The following SHANK2 variants were observed in gnomAD, a reference collection of about 807,000 sequenced individuals.
SHANK2 encodes the protein SH3 and multiple ankyrin repeat domains protein 2.
A neutral mutation model predicts 133.7 loss-of-function variants in SHANK2; 43 were observed. That is an observed-to-expected ratio of 0.32 (90% confidence interval 0.25 to 0.41). The LOEUF is 0.41. Among genes scored for constraint, SHANK2 ranks in the 10% least tolerant of loss-of-function variants. The pLI, the probability that SHANK2 is intolerant of heterozygous loss-of-function variation, is 1.00. For missense variants in SHANK2, 1,994 were observed against 2,235.8 expected, an observed-to-expected ratio of 0.89 and a Z score of 2.18; for synonymous variants, 1,017 against 952.8, an observed-to-expected ratio of 1.07 and a Z score of -1.24.
At chr11:70,755,372 C>T (rs868944243) in intron 14 of SHANK2, among the ~76,000 whole-genome samples, 12 of 152,360 alleles carry the variant, frequency 7.9e-5, no homozygotes, top group Middle Eastern at 6.8e-3. Context: ...GCGCCCAGCG[C>T]GCAGGCAGCC....
intron 17 of SHANK2, among the ~76,000 whole-genome samples, chr11:70,655,988 G>A (rs898750316): frequency 1.3e-5 from 2 of 152,154 alleles, no homozygotes; most frequent in Non-Finnish European, 2.9e-5. Context: ...GTTTCACTGA[G>A]TGAGACCTAC....
intron 8 of SHANK2, among the ~76,000 whole-genome samples, chr11:71,079,609 A>C (rs1951266019): frequency 6.6e-6 from 1 of 151,026 alleles, no homozygotes; most frequent in African/African-American, 2.4e-5. Context: ...AAATACAAAA[A>C]ATTAGCCGGG....
At chr11:70,604,328 C>T (rs1461646601) in intron 17 of SHANK2, 1 of 152,538 alleles carries the variant, frequency 6.6e-6, no homozygotes, top group Non-Finnish European at 1.5e-5. Flanking sequence ...CCTGCTCCTC[C>T]CAGCCTCTCT....
At chr11:71,185,774 C>A (rs938811105) in intron 2 of SHANK2, among the ~76,000 whole-genome samples, 1 of 151,718 alleles carries the variant, frequency 6.6e-6, no homozygotes, top group African/African-American at 2.4e-5. Context: ...GCCTCTTGCA[C>A]GTGACCCTTC....
At chr11:70,525,240 C>A (rs2059381177) in intron 17 of SHANK2, among the ~76,000 whole-genome samples, 1 of 152,228 alleles carries the variant, frequency 6.6e-6, no homozygotes, top group Admixed American at 6.5e-5. Flanking sequence ...TTCTGGGAAA[C>A]ACCTCTCTGG....
intron 12 of SHANK2, among the ~76,000 whole-genome samples, chr11:70,812,759 C>T (rs994281178): frequency 6.6e-6 from 1 of 152,214 alleles, no homozygotes; most frequent in African/African-American, 2.4e-5. Flanking sequence ...GTCCTGCCTG[C>T]ACAGTGAGGA....
At chr11:70,803,481 C>G (rs375113740) in intron 13 of SHANK2, among the ~76,000 whole-genome samples, 1 of 150,806 alleles carries the variant, frequency 6.6e-6, no homozygotes, top group Non-Finnish European at 1.5e-5. Flanking sequence ...GTCCTGCCTG[C>G]AGAGGGTCTA....
intron 17 of SHANK2, among the ~76,000 whole-genome samples, chr11:70,617,303 G>A (rs1554996325): frequency 7.1e-6 from 1 of 140,852 alleles, no homozygotes; most frequent in Non-Finnish European, 1.6e-5. Context: ...GCCTGAGAGA[G>A]TATGTGTGTG....
chr11:71,245,390 A>C (rs1444314968), intron 1 of SHANK2, among the ~76,000 whole-genome samples: 1 of 152,256 alleles, frequency 6.6e-6, no homozygotes, highest in African/African-American at 2.4e-5. Flanking sequence ...ATAATTAGAT[A>C]TTTGTAAATT....
intron 15 of SHANK2, among the ~76,000 whole-genome samples, chr11:70,663,985 A>G (rs1461285368): frequency 2.6e-5 from 4 of 152,186 alleles, no homozygotes; most frequent in Non-Finnish European, 5.9e-5. Flanking sequence ...AGGCCATGCC[A>G]TGCTGGTGTG....
chr11:70,828,487 CCA>C (rs1294078484), intron 11 of SHANK2, among the ~76,000 whole-genome samples: 7 of 152,248 alleles, frequency 4.6e-5, no homozygotes, highest in African/African-American at 9.6e-5. Flanking sequence ...CCAGTGTGTC[CCA>C]CAGAGTTCAT....
intron 17 of SHANK2, among the ~76,000 whole-genome samples, chr11:70,503,857 T>C (rs797039404): frequency 1.6e-4 from 24 of 152,258 alleles, no homozygotes; most frequent in African/African-American, 5.8e-4. Flanking sequence ...TGGAACTGGG[T>C]GGGCGTCTGG....
intron 11 of SHANK2, among the ~76,000 whole-genome samples, chr11:70,885,575 A>G (rs1555073289): frequency 6.6e-6 from 1 of 152,214 alleles, no homozygotes; most frequent in Non-Finnish European, 1.5e-5. Flanking sequence ...GGGGCTGCGC[A>G]GGAGGCATGG....
At chr11:70,545,087 C>T (rs1478839457) in intron 17 of SHANK2, among the ~76,000 whole-genome samples, 1 of 152,192 alleles carries the variant, frequency 6.6e-6, no homozygotes, top group Non-Finnish European at 1.5e-5. Flanking sequence ...CAGGCAAGGG[C>T]CACTGGGGCC....
intron 14 of SHANK2, chr11:70,705,224 T>A (rs1945634482): frequency 6.6e-6 from 1 of 152,234 alleles, no homozygotes; most frequent in East Asian, 1.9e-4. Flanking sequence ...AATCTGTAAC[T>A]GGTTGTGATC....
At chr11:71,116,141 G>T in intron 4 of SHANK2, among the ~76,000 whole-genome samples, 1 of 152,114 alleles carries the variant, frequency 6.6e-6, no homozygotes, top group East Asian at 1.9e-4. Context: ...GTGCAGACGC[G>T]GCATCACCTT....
At chr11:70,604,606 T>C (rs1212240828) in intron 17 of SHANK2, 1 of 152,250 alleles carries the variant, frequency 6.6e-6, no homozygotes, top group Non-Finnish European at 1.5e-5. Context: ...AGGACCGCAC[T>C]GAAAGCAGTG....
At chr11:71,093,921 G>A (rs1027491661) in intron 7 of SHANK2, among the ~76,000 whole-genome samples, 14 of 152,064 alleles carry the variant, frequency 9.2e-5, no homozygotes, top group Admixed American at 6.5e-4. Flanking sequence ...ATGCCTGGGC[G>A]TGCACCACCC....
rs548634941 is a variant in SHANK2, at chr11:70,486,485, G to C, written c.3808C>G (p.Arg1270Gly). 1 of 1,613,954 alleles carries C rather than the reference G, an allele frequency of 6.2e-7. No homozygotes were observed. The change falls in exon 25 of 26, where the codon CGG (arginine) becomes GGG (glycine). Residue 1270 changes from arginine to glycine, a missense_variant. By Grantham distance (125) the Arg-to-Gly change is moderately radical. This residue lies in a region of SHANK2 where 797 missense variants were observed against 907.4 expected (regional missense o/e 0.88). Coordinates refer to ENST00000601538, the MANE Select transcript of SHANK2 (RefSeq NM_012309.5). The surrounding 1 kb of genome is among the most constrained non-coding windows in gnomAD (Gnocchi z 8.0). ...GTCTCCTGCCGCCTCAGGGGTCCCC[G>C]GGTGTTCTGCCTGGTGACCGTAGGG... Reference protein sequence around the residue: ...GFPTVTRQNTRGPLRRQETEN... With the variant: ...GFPTVTRQNTGGPLRRQETEN...
Sources: gnomAD v4.1 joint callset for allele counts (sites outside exome capture counted in the v4.1 genomes callset) on GRCh38, gnomAD v4.1.1 for gene constraint, gnomAD v4.1.1 regional missense constraint, Gnocchi (gnomAD v3.1) non-coding constraint, MANE v1.5 for transcripts, NCBI Gene and HGNC (gene_info 2026-07-23, HGNC 2026-07-21) for gene names.